VSIG10: variants seen among roughly 807,000 people sequenced by gnomAD.
VSIG10 encodes V-set and immunoglobulin domain-containing protein 10.
A neutral mutation model predicts 58.7 loss-of-function variants in VSIG10; 48 were observed. The observed-to-expected ratio is 0.82, with a 90% CI of 0.65 to 1.04. VSIG10 has a LOEUF of 1.04. Ranked by LOEUF, VSIG10 falls within the 50% of genes least tolerant of loss-of-function variation. The pLI is 0.00. For synonymous variants in VSIG10, 260 were observed against 267.1 expected, an observed-to-expected ratio of 0.97 and a Z score of 0.26; for missense variants, 628 against 670.0, an observed-to-expected ratio of 0.94 and a Z score of 0.69.
In VSIG10 at chr12:118,067,441, T is replaced by G. The variant is rs542883549; in HGVS notation, c.1568-747A>C. Among the ~76,000 whole-genome samples, 51 of 151,754 alleles carry G rather than the reference T, an allele frequency of 3.4e-4. 1 individual carries two copies. In the South Asian group the frequency reaches 0.01, roughly 30 times the overall value. On this transcript the variant is annotated intron_variant, in intron 8 of 8. Coordinates refer to ENST00000359236, the MANE Select transcript of VSIG10 (RefSeq NM_019086.6). The stretch of plus-strand genomic sequence containing the variant: ...CCTGTTTCCATTTCCCCTGCAGGTT[T>G]TAGTTTGTTCCCCTAAACTGGCCTT...
chr12:118,081,022 C>G (rs77941602), intron 3 of VSIG10, among the ~76,000 whole-genome samples: 1 of 152,084 alleles, frequency 6.6e-6, no homozygotes, highest in African/African-American at 2.4e-5. Context: ...GAGCAGATCA[C>G]TTGAGCTCAG....
At chr12:118,088,242 A>AG in intron 2 of VSIG10, among the ~76,000 whole-genome samples, 1 of 128,386 alleles carries the variant, frequency 7.8e-6, no homozygotes, top group South Asian at 2.3e-4. Context: ...GTGTCTCAGA[A>AG]AAAAAAAAAA....
At chr12:118,093,505 G>A (rs574354634) in intron 2 of VSIG10, among the ~76,000 whole-genome samples, 2 of 151,890 alleles carry the variant, frequency 1.3e-5, no homozygotes, top group African/African-American at 4.8e-5. Context: ...CACAGCACCC[G>A]GCCTGCTGTA....
intron 1 of VSIG10, among the ~76,000 whole-genome samples, chr12:118,101,435 G>A (rs2033620310): frequency 6.6e-6 from 1 of 152,134 alleles, no homozygotes; most frequent in Non-Finnish European, 1.5e-5. Context: ...CTGGTCTCCT[G>A]CACCAGACAG....
chr12:118,072,156 C>T (rs777222886), intron 5 of VSIG10, among the ~76,000 whole-genome samples: 41 of 137,202 alleles, frequency 3.0e-4, no homozygotes, highest in Non-Finnish European at 5.6e-4. Flanking sequence ...GCAACAAGAG[C>T]GAAATTCCAT....
chr12:118,071,075 G>C lies in VSIG10; in HGVS notation c.1331-8C>G, dbSNP rs1009273346. The C allele has an allele frequency of 2.5e-6, 4 of 1,595,620 alleles. No homozygotes were observed. The highest frequency in any genetic ancestry group is 3.4e-6 in the Non-Finnish European group (4 of 1,170,466). ...ACCTGGAAGTGTTTCCTACTGAAGA[G>C]AGAAAGGAAAAACCATTAATATCCA... On this transcript the variant is annotated splice_region_variant and splice_polypyrimidine_tract_variant and intron_variant, in intron 6 of 8. Transcript: ENST00000359236.
At chr12:118,068,194 C>CTTTTTTTTTT (rs71069404) in intron 8 of VSIG10, among the ~76,000 whole-genome samples, 183 bp downstream of exon 8, 2 of 100,294 alleles carry the variant, frequency 2.0e-5, no homozygotes, top group Non-Finnish European at 1.9e-5. Flanking sequence ...GCTAATTTTT[C>CTTTTTTTTTT]TTTTTTTTTT....
intron 2 of VSIG10, among the ~76,000 whole-genome samples, chr12:118,095,244 T>C (rs935885396): frequency 1.3e-5 from 2 of 152,114 alleles, no homozygotes; most frequent in African/African-American, 4.8e-5. Context: ...TTTCACCACG[T>C]TGGCCAGGCT....
At chr12:118,067,963 A>T (rs549748266) in intron 8 of VSIG10, among the ~76,000 whole-genome samples, 58 of 148,608 alleles carry the variant, frequency 3.9e-4, no homozygotes, top group African/African-American at 1.4e-3. Flanking sequence ...AAAAAACTAA[A>T]CTCACCCCTT....
rs1452618361 is a variant in VSIG10 at position 118,103,557 on chromosome 12, A to G, written c.79+36T>C. On this transcript the variant is annotated intron_variant, in intron 1 of 8. Coordinates refer to ENST00000359236, the MANE Select transcript of VSIG10 (RefSeq NM_019086.6). Reference sequence around the variant, plus strand: ...GTCCCCTCCCCACCGCTGACTGGGAAAACTCAACTTTTCCCTCCAGATCGC... The same window carrying G: ...GTCCCCTCCCCACCGCTGACTGGGAGAACTCAACTTTTCCCTCCAGATCGC... The G allele has an allele frequency of 4.0e-6, 6 of 1,498,570 alleles. No individual in the cohort carries two copies. The Admixed American group carries it at 8.7e-5, about 22-fold the overall frequency. The allele number at this position is 1,498,570 out of a possible 1,614,324, so 92.8% of individuals were successfully genotyped here. A position where few individuals can be genotyped will look rare whatever the true frequency, so the allele number is the denominator to read the frequency against.
rs749544433 is a variant in VSIG10, at chr12:118,073,866, G to C, written c.1052C>G (p.Pro351Arg). 1.3e-4 allele frequency: 194 copies of C among 1,532,740 alleles called. No homozygotes were observed. Among genetic ancestry groups the C allele is most frequent in the Non-Finnish European group, 1.7e-4 (192 of 1,107,888 alleles). 94.9% of individuals were successfully genotyped at this position (1,532,740 alleles called of 1,614,324 possible). Residue 351 changes from proline (P) to arginine (R), a missense_variant, in exon 5 of 9, where the codon CCC (proline) becomes CGC (arginine). Physicochemically the swap from Pro to Arg is moderately radical, Grantham distance 103. Transcript: ENST00000359236. ...KILWLRNLTQPEVIIQPSSRH... is the reference protein window; with the variant it reads ...KILWLRNLTQREVIIQPSSRH... Reference sequence around the variant, plus strand: ...GCTGCTAGGCTGGATGATCACCTCGGGCTGGGTAAGGTTCCTCAGCCACAG... The same window carrying C: ...GCTGCTAGGCTGGATGATCACCTCGCGCTGGGTAAGGTTCCTCAGCCACAG...
chr12:118,085,197 A>G (rs1376169344), intron 2 of VSIG10, among the ~76,000 whole-genome samples: 9 of 152,170 alleles, frequency 5.9e-5, no homozygotes, highest in Non-Finnish European at 8.8e-5. Context: ...ACCAACACAG[A>G]CAAAGAGCTG....
intron 2 of VSIG10, among the ~76,000 whole-genome samples, chr12:118,090,762 C>A (rs553413267): frequency 2.0e-5 from 3 of 152,158 alleles, no homozygotes; most frequent in African/African-American, 7.2e-5. Flanking sequence ...AAGCGATCCT[C>A]CCACCTCAGC....
intron 8 of VSIG10, 93 bp downstream of exon 8, chr12:118,068,284 C>G (rs1178541208): frequency 7.5e-7 from 1 of 1,327,972 alleles, no homozygotes. Flanking sequence ...ATCTTCCCAC[C>G]TTGGCCTCCC....
At chr12:118,079,280 A>T in intron 4 of VSIG10, 66 bp downstream of exon 4, 2 of 1,572,576 alleles carry the variant, frequency 1.3e-6, no homozygotes, top group Non-Finnish European at 1.7e-6. Flanking sequence ...GAACTCTCAA[A>T]TGCTTCTCCT....
rs761709385 is a variant in VSIG10, at chr12:118,084,756, G to A, written c.362-2327C>T. 1.3e-5 allele frequency among the ~76,000 whole-genome samples: 2 copies of A among 152,310 alleles called. 1 individual carries two copies. Among genetic ancestry groups the A allele is most frequent in the Middle Eastern group, 6.8e-3 (2 of 294 alleles). On this transcript the variant is annotated intron_variant, in intron 2 of 8. Transcript: ENST00000359236. ...CAGCTGGGCGTGGTAGAGCATGCCT[G>A]TAATCCCAGCTACTCAGGAGGCTGA...
At chr12:118,083,970 AT>A (rs1314981296) in intron 2 of VSIG10, among the ~76,000 whole-genome samples, 2 of 152,072 alleles carry the variant, frequency 1.3e-5, no homozygotes, top group Non-Finnish European at 2.9e-5. Context: ...ACACCAAAGA[AT>A]TTGCCAGGCG....
Position 118,068,251 on chromosome 12 carries a change from T to C in VSIG10, c.1567+126A>G, listed in dbSNP as rs145250595. The C allele has an allele frequency of 9.8e-4, 707 of 722,330 alleles. 2 individuals are homozygous for C. The African/African-American group carries it at 0.012, about 12-fold the overall frequency. The allele number at this position is 722,330 out of a possible 1,614,324, so 44.7% of individuals were successfully genotyped here. A position where few individuals can be genotyped will look rare whatever the true frequency, so the allele number is the denominator to read the frequency against. On this transcript the variant is annotated intron_variant, in intron 8 of 8. Coordinates refer to ENST00000359236, the MANE Select transcript of VSIG10 (RefSeq NM_019086.6). ...AGTCTCACCATGTTGCCCAGGCTAG[T>C]CTTGAACTTCTGGGCTTAAGTGATC...
rs373507319 is a variant in VSIG10 at position 118,095,747 on chromosome 12, T to C, written c.147A>G (p.Gly49=). The C allele has an allele frequency of 1.9e-5, 31 of 1,613,482 alleles. No individual in the cohort carries two copies. Among genetic ancestry groups the C allele is most frequent in the Non-Finnish European group, 2.6e-5 (31 of 1,179,752 alleles). The part of the protein sequence containing the change: ...NVTLHCGNIS[G]LRGQVTWYRN... ...GGTACCAGGTCACCTGGCCCCTCAG[T>C]CCCGAGATGTTGCCACAGTGCAGAG... is the stretch of plus-strand genomic sequence containing the variant. Residue 49 remains glycine, a synonymous_variant, in exon 2 of 9, where the codon GGA becomes GGG. Transcript: ENST00000359236.
Sources: gnomAD v4.1 joint callset for allele counts (sites outside exome capture counted in the v4.1 genomes callset) on GRCh38, gnomAD v4.1.1 for gene constraint, MANE v1.5 for transcripts, NCBI Gene and HGNC (gene_info 2026-07-23, HGNC 2026-07-21) for gene names.